MRAP2: variants seen among roughly 807,000 people sequenced by gnomAD.
The protein encoded by MRAP2 is melanocortin-2 receptor accessory protein 2.
A neutral mutation model predicts 17.4 loss-of-function variants in MRAP2; 20 were observed. The ratio of observed to expected loss-of-function variants is 1.15; its 90% CI spans 0.81 to 1.67. MRAP2 has a LOEUF of 1.67. Among genes scored for constraint, MRAP2 ranks in the 40% most tolerant of loss-of-function variants. The probability of loss-of-function intolerance (pLI) is 0.00; values close to 1 mark genes in which losing one functional copy is unlikely to be tolerated. For missense variants in MRAP2, 238 were observed against 240.0 expected (o/e 0.99, Z 0.05); for synonymous variants, 96 against 88.4 (o/e 1.09, Z -0.48).
chr6:84,046,642 G>A (rs142678126), intron 1 of MRAP2, among the ~76,000 whole-genome samples: 178 of 151,988 alleles, frequency 1.2e-3, no homozygotes, highest in African/African-American at 4.0e-3. Flanking sequence ...TTAGTTGGGC[G>A]TGGTGGCACG....
chr6:84,133,324 A>G, the MRAP2 span, among the ~76,000 whole-genome samples: 694 of 152,290 alleles, frequency 4.6e-3, 8 homozygotes, highest in African/African-American at 0.016. Flanking sequence ...CCACTTGAGG[A>G]GGCAGTCTGT....
chr6:84,099,722 G>A, the MRAP2 span, among the ~76,000 whole-genome samples: 1 of 152,316 alleles, frequency 6.6e-6, no homozygotes, highest in Non-Finnish European at 1.5e-5. Flanking sequence ...AGATGCTGGT[G>A]CCACACTTGT....
chr6:84,116,655 G>A, the MRAP2 span, among the ~76,000 whole-genome samples: 3 of 152,030 alleles, frequency 2.0e-5, no homozygotes, highest in African/African-American at 7.3e-5. Flanking sequence ...TTATTTTGAG[G>A]TATATTCCTT....
At chr6:84,066,915 G>A (rs1347381262) in intron 3 of MRAP2, among the ~76,000 whole-genome samples, 1 of 152,110 alleles carries the variant, frequency 6.6e-6, no homozygotes, top group Non-Finnish European at 1.5e-5. Context: ...AATTATTGGG[G>A]TACAGGTGGT....
At chr6:84,070,183 T>C (rs1317942230) in intron 3 of MRAP2, among the ~76,000 whole-genome samples, 4 of 152,130 alleles carry the variant, frequency 2.6e-5, no homozygotes, top group African/African-American at 9.6e-5. Context: ...GATGTGACCT[T>C]AGACTGTCAG....
the MRAP2 span, among the ~76,000 whole-genome samples, chr6:84,106,641 G>A: frequency 3.9e-5 from 6 of 152,108 alleles, no homozygotes; most frequent in African/African-American, 1.4e-4. Flanking sequence ...TCAACTGATT[G>A]TAGGGTACTC....
intron 3 of MRAP2, among the ~76,000 whole-genome samples, chr6:84,085,895 A>G (rs2099500323): frequency 1.3e-5 from 2 of 152,206 alleles, no homozygotes; most frequent in African/African-American, 2.4e-5. Flanking sequence ...AATCTCAGAT[A>G]AAGTCAAAAA....
chr6:84,112,407 T>A, the MRAP2 span, among the ~76,000 whole-genome samples: 1 of 152,218 alleles, frequency 6.6e-6, no homozygotes, highest in Non-Finnish European at 1.5e-5. Flanking sequence ...GTTTATAGTA[T>A]TCTTTGATGG....
intron 3 of MRAP2, among the ~76,000 whole-genome samples, chr6:84,074,566 G>A (rs2099497107): frequency 6.6e-6 from 1 of 152,212 alleles, no homozygotes; most frequent in South Asian, 2.1e-4. Flanking sequence ...ATGGAAGTGT[G>A]TGAGCTTCCC....
At chr6:84,082,229 C>A (rs996134811) in intron 3 of MRAP2, among the ~76,000 whole-genome samples, 2 of 152,158 alleles carry the variant, frequency 1.3e-5, no homozygotes, top group African/African-American at 4.8e-5. Context: ...ATTCTATAGG[C>A]AGATAACAAG....
chr6:84,113,499 C>G, the MRAP2 span, among the ~76,000 whole-genome samples: 1 of 152,198 alleles, frequency 6.6e-6, no homozygotes, highest in Non-Finnish European at 1.5e-5. Flanking sequence ...ACATGGGTCT[C>G]CTGAATACAG....
intron 1 of MRAP2, among the ~76,000 whole-genome samples, chr6:84,049,488 G>A (rs996841139): frequency 6.6e-6 from 1 of 152,110 alleles, no homozygotes; most frequent in African/African-American, 2.4e-5. Context: ...TTACTAGCCT[G>A]TTTACTACTA....
chr6:84,034,570 A>AAGAGT (rs1203915011), intron 1 of MRAP2, among the ~76,000 whole-genome samples: 1 of 149,606 alleles, frequency 6.7e-6, no homozygotes, highest in Non-Finnish European at 1.5e-5. Flanking sequence ...GAGGAAGGCA[A>AAGAGT]AGAGTAGTCT....
chr6:84,073,201 C>G (rs532708968), intron 3 of MRAP2, among the ~76,000 whole-genome samples: 1 of 152,312 alleles, frequency 6.6e-6, no homozygotes, highest in East Asian at 1.9e-4. Context: ...CCTATATATT[C>G]CTATGGTGCT....
intron 3 of MRAP2, among the ~76,000 whole-genome samples, chr6:84,073,227 G>C (rs2099496674): frequency 6.6e-6 from 1 of 152,196 alleles, no homozygotes; most frequent in Non-Finnish European, 1.5e-5. Flanking sequence ...GGAATGGCCT[G>C]CTTGTGGACC....
Position 84,062,938 on chromosome 6 carries a change from T to TTTTTATG in MRAP2, c.178_184dup (p.Phe62TyrfsTer43). ...TGGGTTGGTCTTGCAGTCTTCGTGA[T>TTTTTATG]TTTTATGTTTTTTGTGCTGACCTTG... On this transcript the variant is annotated frameshift_variant, in exon 3 of 4. Coordinates refer to ENST00000257776, the MANE Select transcript of MRAP2 (RefSeq NM_138409.4). LOFTEE classifies it high-confidence loss of function. 1 of 1,614,200 alleles carries TTTTTATG rather than the reference T, an allele frequency of 6.2e-7. No individual in the cohort carries two copies. The highest frequency in any genetic ancestry group is 8.5e-7 in the Non-Finnish European group (1 of 1,180,028).
At chr6:84,042,190 T>C (rs2099487769) in intron 1 of MRAP2, among the ~76,000 whole-genome samples, 1 of 152,208 alleles carries the variant, frequency 6.6e-6, no homozygotes, top group Admixed American at 6.5e-5. Context: ...GCTGCCGCCA[T>C]GTGAAGAAGG....
At chr6:84,141,164 G>C in the MRAP2 span, among the ~76,000 whole-genome samples, 1 of 152,128 alleles carries the variant, frequency 6.6e-6, no homozygotes, top group South Asian at 2.1e-4. Flanking sequence ...ACTGGTACTG[G>C]TTTGTGGCCC....
At chr6:84,125,009 T>G in the MRAP2 span, 1 of 1,239,296 alleles carries the variant, frequency 8.1e-7, no homozygotes, top group African/African-American at 1.5e-5. Flanking sequence ...GTCCTGACAG[T>G]GGCACAATCC....
Sources: gnomAD v4.1 joint callset for allele counts (sites outside exome capture counted in the v4.1 genomes callset) on GRCh38, gnomAD v4.1.1 for gene constraint, MANE v1.5 for transcripts, NCBI Gene and HGNC (gene_info 2026-07-23, HGNC 2026-07-21) for gene names.